The following MYT1L variants were observed in gnomAD, a reference collection of about 807,000 sequenced individuals.
The protein encoded by MYT1L is myelin transcription factor 1 like.
Under a neutral mutation model 126.7 loss-of-function variants are expected in MYT1L, and 12 were observed. That is an observed-to-expected ratio of 0.09 (90% CI 0.06 to 0.15). MYT1L has a LOEUF of 0.15. MYT1L is among the 10% of genes least tolerant of loss of function. The pLI is 1.00. For synonymous variants in MYT1L, 541 were observed against 604.2 expected, an observed-to-expected ratio of 0.90 and a Z score of 1.53; for missense variants, 979 against 1,585.2, an observed-to-expected ratio of 0.62 and a Z score of 6.49.
At chr2:1,899,258 C>A (rs559089080) in intron 14 of MYT1L, among the ~76,000 whole-genome samples, 1 of 152,236 alleles carries the variant, frequency 6.6e-6, no homozygotes, top group Admixed American at 6.5e-5. Context: ...TGGGAGCAAC[C>A]GCAGCCTGCC....
At chr2:2,255,843 G>A (rs1225923049) in intron 2 of MYT1L, among the ~76,000 whole-genome samples, 1 of 152,132 alleles carries the variant, frequency 6.6e-6, no homozygotes, top group African/African-American at 2.4e-5. Context: ...TCTTTCATCT[G>A]GGATAAGAGC....
intron 18 of MYT1L, among the ~76,000 whole-genome samples, chr2:1,871,129 T>C (rs1318244344): frequency 6.6e-6 from 1 of 152,220 alleles, no homozygotes; most frequent in Non-Finnish European, 1.5e-5. Context: ...CCGTGGCCCT[T>C]CCTGGTTTCC....
At chr2:2,118,432 T>C (rs1575291985) in intron 3 of MYT1L, among the ~76,000 whole-genome samples, 1 of 152,186 alleles carries the variant, frequency 6.6e-6, no homozygotes, top group South Asian at 2.1e-4. Flanking sequence ...TCCAATAATA[T>C]TATGTGGCTA....
intron 8 of MYT1L, among the ~76,000 whole-genome samples, chr2:1,969,305 G>C (rs760639632): frequency 6.6e-6 from 1 of 152,212 alleles, no homozygotes; most frequent in Non-Finnish European, 1.5e-5. Context: ...AATGCGTGCT[G>C]GTCTTCAGAT....
intron 3 of MYT1L, among the ~76,000 whole-genome samples, chr2:2,068,807 T>G (rs2074236558): frequency 1.7e-5 from 2 of 121,172 alleles, no homozygotes; most frequent in South Asian, 5.7e-4. Flanking sequence ...TTCATATGTA[T>G]AAGTTCAAGT....
intron 3 of MYT1L, 147 bp downstream of exon 3, chr2:2,172,725 A>G (rs1165744302): frequency 1.3e-5 from 2 of 150,186 alleles, no homozygotes; most frequent in African/African-American, 2.5e-5. Context: ...CACTGTCACC[A>G]GGAGCCCCTT....
Position 2,302,795 on chromosome 2 carries a change from T to A in MYT1L, c.-520-18292A>T, listed in dbSNP as rs140615421. 1.8e-4 allele frequency among the ~76,000 whole-genome samples: 28 copies of A among 152,328 alleles called. 1 individual carries two copies. The East Asian group carries it at 4.8e-3, about 26-fold the overall frequency. ...TTGTAGACGTGGTAATGTGCAGTAATGGTTTGATGCGTGAACAAAGTCCTT... is the reference window on the plus strand; with the variant it reads ...TTGTAGACGTGGTAATGTGCAGTAAAGGTTTGATGCGTGAACAAAGTCCTT... On this transcript the variant is annotated intron_variant, in intron 1 of 24. Transcript: ENST00000647738.
chr2:2,157,137 A>T (rs2086862853), intron 3 of MYT1L, among the ~76,000 whole-genome samples: 1 of 152,242 alleles, frequency 6.6e-6, no homozygotes, highest in South Asian at 2.1e-4. Flanking sequence ...TTATAAAATA[A>T]AACAATCAAG....
intron 21 of MYT1L, among the ~76,000 whole-genome samples, chr2:1,838,231 C>A (rs1241082890): frequency 6.6e-6 from 1 of 151,964 alleles, no homozygotes; most frequent in Non-Finnish European, 1.5e-5. Context: ...CTCTTTAAAC[C>A]CATTTACATT....
chr2:2,097,594 A>T (rs750524587), intron 3 of MYT1L, among the ~76,000 whole-genome samples: 1 of 152,204 alleles, frequency 6.6e-6, no homozygotes, highest in Non-Finnish European at 1.5e-5. Context: ...ACTCCACCTC[A>T]TAATGACCCA....
rs761058752 is a variant in MYT1L, at chr2:1,892,136, C to T, written c.2184G>A (p.Ala728=). 3.9e-6 allele frequency: 6 copies of T among 1,547,632 alleles called. No homozygotes were observed. The highest frequency in any genetic ancestry group is 3.3e-4 in the Middle Eastern group (2 of 6,012). ...SSFDYTHDME[A]AHMAATAILN... is the part of the protein sequence containing the mutation. ...GGATGGCGGTGGCCGCCATGTGGGCCGCCTCCATGTCGTGCGTGTAGTCGA... is the reference window on the plus strand; with the variant it reads ...GGATGGCGGTGGCCGCCATGTGGGCTGCCTCCATGTCGTGCGTGTAGTCGA... Residue 728 remains alanine, a synonymous_variant, in exon 15 of 25, where the codon GCG becomes GCA. Transcript: ENST00000647738.
intron 8 of MYT1L, among the ~76,000 whole-genome samples, chr2:1,949,422 G>A (rs995715439): frequency 1.3e-5 from 2 of 151,984 alleles, no homozygotes; most frequent in African/African-American, 4.8e-5. Context: ...CCATGCGGAT[G>A]CCTCACGATG....
At chr2:2,025,272 C>A (rs1319783707) in intron 4 of MYT1L, among the ~76,000 whole-genome samples, 1 of 152,162 alleles carries the variant, frequency 6.6e-6, no homozygotes, top group African/African-American at 2.4e-5. Flanking sequence ...GGTTTGCTCT[C>A]CTCAAGCTCC....
chr2:1,868,878 T>G (rs965345342), intron 18 of MYT1L, among the ~76,000 whole-genome samples: 4 of 152,066 alleles, frequency 2.6e-5, no homozygotes, highest in South Asian at 2.1e-4. Context: ...GGAGGGGAGA[T>G]GCCCTCAGGT....
In MYT1L at chr2:2,041,552, A is replaced by C. The variant is rs1261770282; in HGVS notation, c.-158+12426T>G. ...TTATCAAATGACCAAACATCAGAAA[A>C]ATTTTCTGTTCCAGCTCCTCATGCT... On this transcript the variant is annotated intron_variant, in intron 4 of 24. Transcript: ENST00000647738. Among the ~76,000 whole-genome samples, 3 of 152,266 alleles carry C rather than the reference A, an allele frequency of 2.0e-5. No homozygotes were observed. The East Asian group carries it at 5.8e-4, about 29-fold the overall frequency.
chr2:2,321,548 C>T (rs181268519), intron 1 of MYT1L, among the ~76,000 whole-genome samples: 39 of 152,136 alleles, frequency 2.6e-4, no homozygotes, highest in Non-Finnish European at 1.2e-4. Flanking sequence ...GGTGTGGTAG[C>T]CCCTGGAGTC....
chr2:1,962,101 T>C (rs1001436753), intron 8 of MYT1L, among the ~76,000 whole-genome samples: 1 of 152,246 alleles, frequency 6.6e-6, no homozygotes, highest in Non-Finnish European at 1.5e-5. Context: ...TAATAAGATA[T>C]GAATTGCATT....
intron 21 of MYT1L, among the ~76,000 whole-genome samples, chr2:1,813,989 T>G (rs1427394588): frequency 7.6e-6 from 1 of 131,566 alleles, no homozygotes; most frequent in African/African-American, 2.9e-5. Flanking sequence ...ATCGCGCCAC[T>G]GCACTCCAGC....
chr2:2,298,539 TA>T (rs1476636364), intron 1 of MYT1L, among the ~76,000 whole-genome samples: 1 of 152,180 alleles, frequency 6.6e-6, no homozygotes, highest in Non-Finnish European at 1.5e-5. Context: ...AACTTTTCTC[TA>T]AAAAACATAA....
Sources: gnomAD v4.1 joint callset for allele counts (sites outside exome capture counted in the v4.1 genomes callset) on GRCh38, gnomAD v4.1.1 for gene constraint, MANE v1.5 for transcripts, NCBI Gene and HGNC (gene_info 2026-07-23, HGNC 2026-07-21) for gene names.